The following NDUFAF6 variants were observed in gnomAD, a reference collection of about 807,000 sequenced individuals.
NDUFAF6 encodes the protein NADH:ubiquinone oxidoreductase complex assembly factor 6.
In NDUFAF6, 45 loss-of-function variants were observed where a neutral mutation model predicts 40.8. The observed-to-expected ratio is 1.10, with a 90% confidence interval of 0.87 to 1.42. NDUFAF6 has a LOEUF of 1.42. NDUFAF6 is among the 40% of genes most tolerant of loss of function. The probability of loss-of-function intolerance (pLI) is 0.00; values close to 1 mark genes in which losing one functional copy is unlikely to be tolerated. For missense variants in NDUFAF6, 435 were observed against 418.5 expected (o/e 1.04, Z -0.34); for synonymous variants, 185 against 155.9 (o/e 1.19, Z -1.39).
intron 1 of NDUFAF6, among the ~76,000 whole-genome samples, chr8:94,976,898 C>T (rs557515282): frequency 2.7e-4 from 41 of 152,224 alleles, no homozygotes; most frequent in African/African-American, 9.6e-4. Context: ...GGCCTGTAAT[C>T]TCAGCACTTT....
At chr8:95,004,997 G>T (rs1025654453) in intron 2 of NDUFAF6, among the ~76,000 whole-genome samples, 1 of 152,196 alleles carries the variant, frequency 6.6e-6, no homozygotes, top group African/African-American at 2.4e-5. Flanking sequence ...AGGTTAATGT[G>T]CAAGTAGTAA....
chr8:95,108,546 C>T (rs1045494336), intron 4 of NDUFAF6, among the ~76,000 whole-genome samples: 1 of 152,026 alleles, frequency 6.6e-6, no homozygotes, highest in African/African-American at 2.4e-5. Context: ...CTTACCAGGG[C>T]CTGGGGGAAG....
At chr8:94,965,928 T>C (rs1823979517) in intron 1 of NDUFAF6, among the ~76,000 whole-genome samples, 1 of 152,198 alleles carries the variant, frequency 6.6e-6, no homozygotes, top group South Asian at 2.1e-4. Flanking sequence ...ATTTCAGAGA[T>C]AAGAAAACAA....
intron 2 of NDUFAF6, among the ~76,000 whole-genome samples, chr8:95,001,998 T>A (rs1286314538): frequency 6.6e-6 from 1 of 152,196 alleles, no homozygotes; most frequent in Non-Finnish European, 1.5e-5. Flanking sequence ...ACTCAGAGGA[T>A]CAGATTAACC....
At chr8:95,046,943 T>C in intron 5 of NDUFAF6, 51 bp from the exon 6 acceptor site, 1 of 1,610,176 alleles carries the variant, frequency 6.2e-7, no homozygotes, top group Non-Finnish European at 8.5e-7. Flanking sequence ...TTTCTATTGA[T>C]TTATTATGCA....
At chr8:94,961,824 A>G (rs1823601485) in intron 1 of NDUFAF6, among the ~76,000 whole-genome samples, 1 of 152,226 alleles carries the variant, frequency 6.6e-6, no homozygotes. Context: ...ATTCTAGTCC[A>G]GGATTTTTTC....
rs146359865 is a variant in NDUFAF6, at chr8:95,026,113, G to C, written c.197+908G>C. ...CCGTTTTTTTTTTAATTCCATTTTA[G>C]AGAAAAGCAGCATAACACAACAAAA... On this transcript the variant is annotated intron_variant, in intron 1 of 8. Coordinates refer to ENST00000396124, the MANE Select transcript of NDUFAF6 (RefSeq NM_152416.4). Among the ~76,000 whole-genome samples the C allele has an allele frequency of 6.1e-3, 924 of 152,064 alleles. 8 individuals carry two copies. Among genetic ancestry groups the C allele is most frequent in the Non-Finnish European group, 8.9e-3 (602 of 68,010 alleles).
Position 95,025,204 on chromosome 8 carries a change from C to T in NDUFAF6, c.196C>T (p.Arg66Trp). The change falls in exon 1 of 9, where the codon CGG becomes TGG. Residue 66 changes from arginine to tryptophan, a missense_variant and splice_region_variant. Physicochemically the swap from Arg to Trp is moderately radical, Grantham distance 101. Coordinates refer to ENST00000396124, the MANE Select transcript of NDUFAF6 (RefSeq NM_152416.4). ...TGACCACTACTGCCTGGAGCTGCTG[C>T]GGTGAGCGAGCACGACCTTCCCTGG... ...GTDHYCLELL[R>W]KRDYEGYLCS... 7.0e-7 allele frequency: 1 copy of T among 1,429,144 alleles called. No individual in the cohort carries two copies. The highest frequency in any genetic ancestry group is 9.1e-7 in the Non-Finnish European group (1 of 1,104,164). The allele number at this position is 1,429,144 out of a possible 1,614,324, so 88.5% of individuals were successfully genotyped here.
chr8:95,024,699 C>T (rs1827860045), upstream of NDUFAF6, among the ~76,000 whole-genome samples: 1 of 152,166 alleles, frequency 6.6e-6, no homozygotes, highest in Admixed American at 6.5e-5. Flanking sequence ...TTGGCAGCTA[C>T]TTCCTTCACC....
intron 9 of NDUFAF6, chr8:95,067,785 G>A (rs74994009): frequency 0.13 from 19,015 of 152,092 alleles, 1,560 homozygotes; most frequent in Non-Finnish European, 0.18. Flanking sequence ...GGACTGCCTT[G>A]TTACAGCTGT....
chr8:95,054,940 A>G (rs1311391647), intron 8 of NDUFAF6, among the ~76,000 whole-genome samples: 1 of 152,268 alleles, frequency 6.6e-6, no homozygotes, highest in Non-Finnish European at 1.5e-5. Context: ...TAGGTATGGT[A>G]TATTCTTCAT....
At chr8:94,933,206 T>C (rs138886745) in intron 1 of NDUFAF6, among the ~76,000 whole-genome samples, 2,409 of 152,052 alleles carry the variant, frequency 0.016, 68 homozygotes, top group African/African-American at 0.054. Flanking sequence ...ACAGTGAGAC[T>C]CCGTGTTAAA....
intron 2 of NDUFAF6, among the ~76,000 whole-genome samples, chr8:95,090,904 T>TC (rs1223218312): frequency 6.6e-6 from 1 of 152,192 alleles, no homozygotes; most frequent in African/African-American, 2.4e-5. Context: ...TATATTGGAC[T>TC]CCAAGTTCTT....
chr8:94,986,164 C>T (rs1563771712), intron 2 of NDUFAF6, among the ~76,000 whole-genome samples: 2 of 152,244 alleles, frequency 1.3e-5, no homozygotes, highest in Admixed American at 6.5e-5. Context: ...TGAACCACCT[C>T]GCCTGGCACA....
intron 1 of NDUFAF6, among the ~76,000 whole-genome samples, chr8:94,978,238 C>G (rs1205862629): frequency 6.6e-6 from 1 of 152,172 alleles, no homozygotes; most frequent in Non-Finnish European, 1.5e-5. Context: ...AATAACCCAT[C>G]ATGCCGATGT....
intron 1 of NDUFAF6, chr8:94,930,817 GCTAATTTGTTTA>G: frequency 7.0e-7 from 1 of 1,424,266 alleles, no homozygotes; most frequent in Non-Finnish European, 9.4e-7. Context: ...AATTTGCCAC[GCTAATTTGTTTA>G]TGGCTGAATG....
At chr8:94,929,600 T>C (rs74937413) in intron 1 of NDUFAF6, 2 of 152,272 alleles carry the variant, frequency 1.3e-5, no homozygotes, top group African/African-American at 2.4e-5. Context: ...GAGAGAAATA[T>C]GAAGTCACTT....
intron 1 of NDUFAF6, chr8:94,927,447 AG>A (rs1331346843): frequency 2.0e-5 from 3 of 152,222 alleles, no homozygotes; most frequent in Non-Finnish European, 4.4e-5. Flanking sequence ...GTATGTAAAC[AG>A]GAACAGTTTG....
intron 2 of NDUFAF6, among the ~76,000 whole-genome samples, chr8:94,985,789 G>A (rs948270796): frequency 1.3e-4 from 19 of 150,500 alleles, no homozygotes; most frequent in Admixed American, 2.6e-4. Flanking sequence ...CCGCCTTGGC[G>A]TCCCAAAGTG....
Sources: gnomAD v4.1 joint callset for allele counts (sites outside exome capture counted in the v4.1 genomes callset) on GRCh38, gnomAD v4.1.1 for gene constraint, MANE v1.5 for transcripts, NCBI Gene and HGNC (gene_info 2026-07-23, HGNC 2026-07-21) for gene names.